SLIT3: variants seen among roughly 807,000 people sequenced by gnomAD.
SLIT3 encodes slit guidance ligand 3.
Under a neutral mutation model 184.0 loss-of-function variants are expected in SLIT3, and 68 were observed. The observed-to-expected ratio is 0.37, with a 90% CI of 0.30 to 0.45. The LOEUF (loss-of-function observed/expected upper bound fraction) is 0.45, where lower values mean the gene tolerates loss of function less well. Among genes scored for constraint, SLIT3 ranks in the 20% least tolerant of loss-of-function variants. The probability of loss-of-function intolerance (pLI) is 1.00; values close to 1 mark genes in which losing one functional copy is unlikely to be tolerated. For synonymous variants in SLIT3, 831 were observed against 828.6 expected, an observed-to-expected ratio of 1.00 and a Z score of -0.05; for missense variants, 1,707 against 2,026.0, an observed-to-expected ratio of 0.84 and a Z score of 3.02.
chr5:168,991,112 T>C (rs1188784701), intron 4 of SLIT3, among the ~76,000 whole-genome samples: 1 of 152,222 alleles, frequency 6.6e-6, no homozygotes, highest in African/African-American at 2.4e-5. Flanking sequence ...GATACTATAC[T>C]AGAAGCACTT....
In SLIT3 at chr5:169,244,725, G is replaced by A. The variant is rs766094354; in HGVS notation, c.321C>T (p.Asp107=). Residue 107 remains aspartate (D), a synonymous_variant, in exon 3 of 36, where the codon GAC becomes GAT. Transcript: ENST00000519560. ...CTTACAGTCGCTCTAGCTGCTTCAG[G>A]TCCTGGAAGGCGCCTCTCTCGATGA... The part of the protein sequence containing the change: ...VSVIERGAFQ[D]LKQLERLRLN... 1.2e-6 allele frequency: 2 copies of A among 1,613,750 alleles called. No individual in the cohort carries two copies. Among genetic ancestry groups the A allele is most frequent in the African/African-American group, 2.7e-5 (2 of 74,900 alleles).
rs774331649 is a variant in SLIT3, at chr5:168,666,448, A to AG, written c.*5dup. 6.5e-7 allele frequency: 1 copy of AG among 1,545,746 alleles called. No homozygotes were observed. On this transcript the variant is annotated 3_prime_UTR_variant, in exon 36 of 36. Coordinates refer to ENST00000519560, the MANE Select transcript of SLIT3 (RefSeq NM_003062.4). ...TCCGAGAGGTGGCAGGCAGGCGGGCAGGGGCTTAGGAACACGCGAGGCAGC... is the reference window on the plus strand; with the variant it reads ...TCCGAGAGGTGGCAGGCAGGCGGGCAGGGGGCTTAGGAACACGCGAGGCAGC...
intron 4 of SLIT3, among the ~76,000 whole-genome samples, chr5:168,903,601 C>T (rs910312197): frequency 2.6e-5 from 4 of 152,212 alleles, no homozygotes; most frequent in South Asian, 2.1e-4. Context: ...GAGTGAAGGA[C>T]GGGGGCAGCA....
chr5:168,697,764 T>TG (rs1435080330), intron 27 of SLIT3, among the ~76,000 whole-genome samples: 1 of 152,196 alleles, frequency 6.6e-6, no homozygotes, highest in East Asian at 1.9e-4. Context: ...GACTCATTCT[T>TG]TTTTCCTGTT....
At chr5:169,215,833 A>G (rs568015496) in intron 3 of SLIT3, among the ~76,000 whole-genome samples, 9 of 152,320 alleles carry the variant, frequency 5.9e-5, no homozygotes, top group Admixed American at 2.0e-4. Context: ...TGAAATTCCT[A>G]TTTTAGGAAT....
intron 1 of SLIT3, among the ~76,000 whole-genome samples, chr5:169,260,515 T>C (rs1025707931): frequency 1.3e-5 from 2 of 152,242 alleles, no homozygotes; most frequent in African/African-American, 4.8e-5. Flanking sequence ...TTCGTCTTTA[T>C]GACTGTCCAT....
intron 4 of SLIT3, among the ~76,000 whole-genome samples, chr5:168,978,218 G>C (rs988960356): frequency 6.6e-6 from 1 of 152,260 alleles, no homozygotes; most frequent in Admixed American, 6.5e-5. Flanking sequence ...AAGCTGCTAA[G>C]TGCGTAGAAG....
intron 5 of SLIT3, among the ~76,000 whole-genome samples, chr5:168,865,529 A>G (rs1041442623): frequency 2.6e-5 from 4 of 152,258 alleles, no homozygotes; most frequent in African/African-American, 4.8e-5. Context: ...ATAGTTCTAC[A>G]GGCAAAACTA....
chr5:169,183,712 G>C (rs1405210988), intron 4 of SLIT3, among the ~76,000 whole-genome samples: 3 of 152,162 alleles, frequency 2.0e-5, no homozygotes, highest in African/African-American at 7.2e-5. Flanking sequence ...CCCTTCCAAA[G>C]AGAAGGAGAT....
chr5:169,238,181 T>G (rs766624897), intron 3 of SLIT3, among the ~76,000 whole-genome samples: 7 of 152,234 alleles, frequency 4.6e-5, no homozygotes, highest in African/African-American at 7.2e-5. Flanking sequence ...AGTATTGTAT[T>G]GGCAGTACTT....
At chr5:168,962,059 G>GGATTCCATCTA (rs1295043065) in intron 4 of SLIT3, among the ~76,000 whole-genome samples, 1 of 152,052 alleles carries the variant, frequency 6.6e-6, no homozygotes, top group Non-Finnish European at 1.5e-5. Context: ...GCAGAACTAT[G>GGATTCCATCTA]GATTCCATCT....
At chr5:168,868,936 T>A (rs1375261395) in intron 5 of SLIT3, among the ~76,000 whole-genome samples, 1 of 152,068 alleles carries the variant, frequency 6.6e-6, no homozygotes, top group Non-Finnish European at 1.5e-5. Context: ...GAGAATGGGA[T>A]CTTTCTGGGG....
At chr5:168,768,131 G>C (rs560771827) in intron 14 of SLIT3, 2 of 498,148 alleles carry the variant, frequency 4.0e-6, no homozygotes, top group East Asian at 1.1e-4. Context: ...TGGTGGCGGC[G>C]GTGGCGGGCC....
intron 20 of SLIT3, among the ~76,000 whole-genome samples, chr5:168,740,682 T>C (rs961629012): frequency 3.9e-5 from 6 of 152,276 alleles, no homozygotes; most frequent in African/African-American, 1.4e-4. Flanking sequence ...GGGAAAGAAG[T>C]GAGGGCTGCC....
intron 6 of SLIT3, among the ~76,000 whole-genome samples, chr5:168,832,371 T>C (rs989085781): frequency 3.3e-5 from 5 of 152,242 alleles, no homozygotes; most frequent in African/African-American, 1.2e-4. Flanking sequence ...AAAATATCCA[T>C]GAATGTGTAT....
At chr5:168,924,368 C>G (rs918915538) in intron 4 of SLIT3, among the ~76,000 whole-genome samples, 2 of 152,176 alleles carry the variant, frequency 1.3e-5, no homozygotes, top group African/African-American at 4.8e-5. Context: ...GACCCAGTAC[C>G]CTCCATCTCT....
chr5:169,077,651 G>C (rs1256561635), intron 4 of SLIT3, among the ~76,000 whole-genome samples: 1 of 152,184 alleles, frequency 6.6e-6, no homozygotes, highest in Non-Finnish European at 1.5e-5. Flanking sequence ...TAGTAGCTAA[G>C]TTTTCGGGGA....
At chr5:169,016,005 T>A (rs1346680688) in intron 4 of SLIT3, among the ~76,000 whole-genome samples, 3 of 142,856 alleles carry the variant, frequency 2.1e-5, no homozygotes, top group African/African-American at 2.6e-5. Context: ...TCTGCCCCCT[T>A]GCTCTTCCTG....
rs1763631065 is a variant in SLIT3 at position 169,193,547 on chromosome 5, G to A, written c.345C>T (p.Arg115=). 2.5e-6 allele frequency: 4 copies of A among 1,613,796 alleles called. No homozygotes were observed. The highest frequency in any genetic ancestry group is 1.1e-5 in the South Asian group (1 of 91,076). ...GGACTTGCAGCTTATTCTTGTTCAG[G>A]CGCCTAAAGAGGAAAGAGAATGGAA... is the stretch of plus-strand genomic sequence containing the variant. The part of the protein sequence containing the change: ...FQDLKQLERL[R]LNKNKLQVLP... The change falls in exon 4 of 36, where the codon CGC becomes CGT. Residue 115 remains arginine (R), a synonymous_variant. Coordinates refer to ENST00000519560, the MANE Select transcript of SLIT3 (RefSeq NM_003062.4).
Sources: gnomAD v4.1 joint callset for allele counts (sites outside exome capture counted in the v4.1 genomes callset) on GRCh38, gnomAD v4.1.1 for gene constraint, MANE v1.5 for transcripts, NCBI Gene and HGNC (gene_info 2026-07-23, HGNC 2026-07-21) for gene names.